The following BMP6 variants were observed in gnomAD, a reference collection of about 807,000 sequenced individuals.
The protein encoded by BMP6 is VG-1-R.
BMP6 carries 17 observed loss-of-function variants against 54.1 expected under a neutral mutation model. That is an observed-to-expected ratio of 0.31 (90% CI 0.22 to 0.47). BMP6 has a LOEUF of 0.47. Among genes scored for constraint, BMP6 ranks in the 20% least tolerant of loss-of-function variants. The probability of loss-of-function intolerance (pLI) is 1.00; values close to 1 mark genes in which losing one functional copy is unlikely to be tolerated. For missense variants in BMP6, 720 were observed against 690.4 expected (o/e 1.04, Z -0.48); for synonymous variants, 328 against 291.2 (o/e 1.13, Z -1.28).
chr6:7,830,151 C>T (rs7768988), intron 1 of BMP6, among the ~76,000 whole-genome samples: 14,686 of 152,068 alleles, frequency 0.097, 1,039 homozygotes, highest in African/African-American at 0.2. Context: ...GAGCACCCCC[C>T]CTCTCTCTCA....
intron 1 of BMP6, among the ~76,000 whole-genome samples, chr6:7,778,106 C>T (rs1006416437): frequency 3.3e-5 from 5 of 152,136 alleles, no homozygotes; most frequent in Non-Finnish European, 5.9e-5. Flanking sequence ...TTACTGTTTA[C>T]TGACTGTCGG....
In BMP6 at chr6:7,762,255, C is replaced by T. The variant is rs189415610; in HGVS notation, c.664+34636C>T. On this transcript the variant is annotated intron_variant, in intron 1 of 6. Transcript: ENST00000283147. ...ATTTCTTAAAAGGAAGGGGTTGTAT[C>T]TTGATTAAGGTGTGAGTGGTCAAAT... 9.3e-4 allele frequency among the ~76,000 whole-genome samples: 142 copies of T among 152,294 alleles called. 1 individual carries two copies. The highest frequency in any genetic ancestry group is 3.3e-3 in the African/African-American group (139 of 41,560).
At chr6:7,783,276 G>A (rs1033522934) in intron 1 of BMP6, among the ~76,000 whole-genome samples, 1 of 152,226 alleles carries the variant, frequency 6.6e-6, no homozygotes, top group Admixed American at 6.5e-5. Context: ...GATTGAAAAG[G>A]TAAAGTGGAA....
intron 1 of BMP6, among the ~76,000 whole-genome samples, chr6:7,735,958 C>G (rs1401032731): frequency 6.6e-6 from 1 of 152,102 alleles, no homozygotes; most frequent in Non-Finnish European, 1.5e-5. Context: ...TCAAAATACG[C>G]AGAGTTCGGG....
In BMP6 at chr6:7,878,206, T is replaced by C. The variant is rs1209478033; in HGVS notation, c.1205-868T>C. Among the ~76,000 whole-genome samples the C allele has an allele frequency of 2.0e-5, 3 of 152,320 alleles. No homozygotes were observed. In the South Asian group the frequency reaches 6.2e-4, roughly 32 times the overall value. On this transcript the variant is annotated intron_variant, in intron 4 of 6. Transcript: ENST00000283147. ...CGTAGCATCCATGTTCTGGTTTGTA[T>C]TGGAGTTATTTGTGTGTCTGTTTTA... is the stretch of plus-strand genomic sequence containing the variant.
intron 4 of BMP6, among the ~76,000 whole-genome samples, chr6:7,874,117 A>G (rs943774638): frequency 7.9e-5 from 12 of 152,282 alleles, no homozygotes; most frequent in East Asian, 7.7e-4. Context: ...CAGGAGAGGA[A>G]AGAGTGAGTG....
rs571290365 is a variant in BMP6 at position 7,845,052 on chromosome 6, T to C, written c.665-88T>C. Reference sequence around the variant, plus strand: ...CCGTGGGTAATTGGTAATCCACCTATGAAGTCAAACGGGGAAACTGGTGAG... The same window carrying C: ...CCGTGGGTAATTGGTAATCCACCTACGAAGTCAAACGGGGAAACTGGTGAG... On this transcript the variant is annotated intron_variant, in intron 1 of 6. Transcript: ENST00000283147. The C allele has an allele frequency of 1.8e-4, 218 of 1,211,398 alleles. 1 individual carries two copies. In the African/African-American group the frequency reaches 3.0e-3, roughly 17 times the overall value. The allele number at this position is 1,211,398 out of a possible 1,614,324, so 75.0% of individuals were successfully genotyped here.
chr6:7,853,198 C>G (rs953701836), intron 2 of BMP6, among the ~76,000 whole-genome samples: 1 of 152,090 alleles, frequency 6.6e-6, no homozygotes, highest in African/African-American at 2.4e-5. Context: ...GAACTTCAAA[C>G]AAGTGTGTTT....
At chr6:7,728,548 A>G (rs982524106) in intron 1 of BMP6, among the ~76,000 whole-genome samples, 6 of 152,136 alleles carry the variant, frequency 3.9e-5, no homozygotes, top group African/African-American at 1.4e-4. Context: ...TCTGTAAATG[A>G]GAAGGGTGCA....
intron 1 of BMP6, among the ~76,000 whole-genome samples, chr6:7,750,600 G>A (rs918656791): frequency 1.6e-4 from 24 of 152,252 alleles, no homozygotes; most frequent in African/African-American, 5.5e-4. Flanking sequence ...TATAAATATA[G>A]CAGCCATGAC....
chr6:7,857,046 A>G (rs1271228934), intron 2 of BMP6, among the ~76,000 whole-genome samples: 1 of 152,194 alleles, frequency 6.6e-6, no homozygotes, highest in East Asian at 1.9e-4. Flanking sequence ...GTCCGAGGGC[A>G]AAGGAGAGAA....
chr6:7,779,588 C>A (rs1757910927), intron 1 of BMP6, among the ~76,000 whole-genome samples: 1 of 152,228 alleles, frequency 6.6e-6, no homozygotes, highest in African/African-American at 2.4e-5. Context: ...GATCTGCCTG[C>A]CTCGGCCTCC....
At chr6:7,732,448 T>A (rs1415069055) in intron 1 of BMP6, among the ~76,000 whole-genome samples, 14 of 152,232 alleles carry the variant, frequency 9.2e-5, no homozygotes, top group Admixed American at 9.2e-4. Flanking sequence ...AAATCCTTTT[T>A]AAATGTGCTG....
At chr6:7,733,285 C>A (rs1343390443) in intron 1 of BMP6, among the ~76,000 whole-genome samples, 1 of 152,182 alleles carries the variant, frequency 6.6e-6, no homozygotes, top group Non-Finnish European at 1.5e-5. Context: ...TATTTTTCTT[C>A]CTCTTCTGTT....
At chr6:7,754,465 T>C (rs938598531) in intron 1 of BMP6, among the ~76,000 whole-genome samples, 1 of 152,154 alleles carries the variant, frequency 6.6e-6, no homozygotes, top group Non-Finnish European at 1.5e-5. Flanking sequence ...TGTTGAAATC[T>C]CCAACTATAA....
intron 2 of BMP6, among the ~76,000 whole-genome samples, chr6:7,847,815 G>A (rs1329018925): frequency 6.6e-6 from 1 of 152,034 alleles, no homozygotes; most frequent in Non-Finnish European, 1.5e-5. Context: ...AAGAAATGAC[G>A]GGACCAGGTA....
chr6:7,754,072 G>A (rs1366297690), intron 1 of BMP6, among the ~76,000 whole-genome samples: 1 of 152,034 alleles, frequency 6.6e-6, no homozygotes, highest in Non-Finnish European at 1.5e-5. Flanking sequence ...TTCAATAAAT[G>A]GCGGTTAGGT....
Position 7,769,087 on chromosome 6 carries a change from C to T in BMP6, c.664+41468C>T, listed in dbSNP as rs879536548. 1.4e-4 allele frequency among the ~76,000 whole-genome samples: 22 copies of T among 152,208 alleles called. No homozygotes were observed. In the East Asian group the frequency reaches 1.5e-3, roughly 11 times the overall value. On this transcript the variant is annotated intron_variant, in intron 1 of 6. Transcript: ENST00000283147. ...CTAAGCACATTCACTGAGTATGTGA[C>T]GTGTTAATATGCTACTGCAGGTAGG...
chr6:7,790,304 C>G (rs1054992726), intron 1 of BMP6, among the ~76,000 whole-genome samples: 2 of 151,808 alleles, frequency 1.3e-5, no homozygotes, highest in Non-Finnish European at 2.9e-5. Flanking sequence ...CTCTTTAGTC[C>G]GGGAGTTTGA....
Sources: allele counts gnomAD v4.1 joint callset (sites outside exome capture counted in the v4.1 genomes callset), GRCh38; gene constraint gnomAD v4.1.1; transcripts MANE v1.5; gene names NCBI Gene and HGNC (gene_info 2026-07-23, HGNC 2026-07-21).